The following PIBF1 variants were observed in gnomAD, a reference collection of about 807,000 sequenced individuals.
The protein encoded by PIBF1 is progesterone immunomodulatory binding factor 1.
A neutral mutation model predicts 112.5 loss-of-function variants in PIBF1; 90 were observed. The ratio of observed to expected loss-of-function variants is 0.80; its 90% confidence interval spans 0.67 to 0.95. PIBF1 has a LOEUF of 0.95. Ranked by LOEUF, PIBF1 falls within the 40% of genes least tolerant of loss-of-function variation. The probability of loss-of-function intolerance (pLI) is 0.00; values close to 1 mark genes in which losing one functional copy is unlikely to be tolerated. For missense variants in PIBF1, 915 were observed against 852.3 expected (o/e 1.07, Z -0.92); for synonymous variants, 301 against 288.6 (o/e 1.04, Z -0.44).
At chr13:72,941,265 G>A (rs991752606) in intron 14 of PIBF1, among the ~76,000 whole-genome samples, 1 of 152,150 alleles carries the variant, frequency 6.6e-6, no homozygotes, top group African/African-American at 2.4e-5. Context: ...GTGTATTTGT[G>A]TATACCCACT....
At chr13:72,868,828 TAAAAAAAAAAA>T (rs56290400) in intron 10 of PIBF1, among the ~76,000 whole-genome samples, 4 of 114,270 alleles carry the variant, frequency 3.5e-5, no homozygotes, top group African/African-American at 1.3e-4. Context: ...TCCCAAAAAG[TAAAAAAAAAAA>T]AAAAAAAAAA....
chr13:72,999,938 A>G (rs556018119), intron 17 of PIBF1, among the ~76,000 whole-genome samples: 3 of 152,322 alleles, frequency 2.0e-5, no homozygotes, highest in African/African-American at 7.2e-5. Context: ...GTGTGGTGGC[A>G]CACGCCTGTA....
At chr13:72,919,219 T>C (rs2041209734) in intron 13 of PIBF1, among the ~76,000 whole-genome samples, 1 of 152,128 alleles carries the variant, frequency 6.6e-6, no homozygotes, top group Admixed American at 6.6e-5. Flanking sequence ...CTCATTAATA[T>C]AGTGGTGAAT....
intron 9 of PIBF1, among the ~76,000 whole-genome samples, chr13:72,836,670 C>G (rs906815624): frequency 6.6e-6 from 1 of 151,916 alleles, no homozygotes; most frequent in African/African-American, 2.4e-5. Context: ...TGATTTTATT[C>G]TCAGGTTTCT....
intron 5 of PIBF1, among the ~76,000 whole-genome samples, chr13:72,821,309 A>T: frequency 6.6e-6 from 1 of 152,156 alleles, no homozygotes; most frequent in East Asian, 1.9e-4. Context: ...TGCTACTGAC[A>T]TGGGGAGAGT....
intron 10 of PIBF1, among the ~76,000 whole-genome samples, chr13:72,854,781 T>A (rs184334937): frequency 6.6e-6 from 1 of 152,158 alleles, no homozygotes; most frequent in Admixed American, 6.5e-5. Context: ...CTGCCAATGG[T>A]AACACCAAAG....
At chr13:72,863,536 T>C (rs1184550908) in intron 10 of PIBF1, among the ~76,000 whole-genome samples, 3 of 151,306 alleles carry the variant, frequency 2.0e-5, no homozygotes, top group African/African-American at 7.3e-5. Flanking sequence ...TGGGCACCTG[T>C]AGTCCTAGCT....
intron 16 of PIBF1, among the ~76,000 whole-genome samples, chr13:72,994,119 AAAAG>A (rs1218334646): frequency 2.2e-5 from 1 of 44,900 alleles, no homozygotes; most frequent in African/African-American, 1.1e-4. Flanking sequence ...TCTCAAAAAA[AAAAG>A]AAAAAAAAAG....
At chr13:73,001,095 G>A (rs187209403) in intron 17 of PIBF1, among the ~76,000 whole-genome samples, 12 of 152,116 alleles carry the variant, frequency 7.9e-5, no homozygotes, top group African/African-American at 1.4e-4. Context: ...AAGGTGAACC[G>A]ACTAGATAAC....
chr13:72,944,352 C>T (rs1320141458), intron 14 of PIBF1, among the ~76,000 whole-genome samples: 1 of 151,044 alleles, frequency 6.6e-6, no homozygotes, highest in Non-Finnish European at 1.5e-5. Context: ...GAGACTGAGG[C>T]ATGAGAATCG....
intron 9 of PIBF1, chr13:72,836,026 G>C: frequency 2.5e-6 from 1 of 407,346 alleles, no homozygotes; most frequent in South Asian, 1.8e-5. Context: ...ATGAACCGGG[G>C]ACACAGAGCT....
chr13:72,940,672 T>G (rs2041987242), intron 14 of PIBF1, among the ~76,000 whole-genome samples: 1 of 152,222 alleles, frequency 6.6e-6, no homozygotes, highest in African/African-American at 2.4e-5. Context: ...AACAGTTTGA[T>G]TCTTCCAAAT....
intron 12 of PIBF1, among the ~76,000 whole-genome samples, chr13:72,909,860 A>T (rs919975577): frequency 6.6e-6 from 1 of 152,064 alleles, no homozygotes; most frequent in Non-Finnish European, 1.5e-5. Flanking sequence ...TTGATCTTTA[A>T]TTTCTGTTTT....
At chr13:72,845,202 A>G (rs923731840) in intron 9 of PIBF1, among the ~76,000 whole-genome samples, 6 of 145,402 alleles carry the variant, frequency 4.1e-5, no homozygotes, top group African/African-American at 1.3e-4. Flanking sequence ...GTGTGTTCTC[A>G]TTGTTCAGCT....
chr13:72,793,517 A>T (rs1166309839), intron 3 of PIBF1, among the ~76,000 whole-genome samples: 2 of 152,156 alleles, frequency 1.3e-5, no homozygotes. Context: ...TTCGCAGGTG[A>T]TGCAGATGCT....
At chr13:72,879,694 G>A (rs991876023) in intron 10 of PIBF1, among the ~76,000 whole-genome samples, 8 of 152,178 alleles carry the variant, frequency 5.3e-5, no homozygotes, top group Non-Finnish European at 1.2e-4. Context: ...TCAAGTCAGA[G>A]GTCGACAAAC....
intron 10 of PIBF1, among the ~76,000 whole-genome samples, chr13:72,878,548 C>T (rs2039498461): frequency 6.6e-6 from 1 of 152,022 alleles, no homozygotes; most frequent in East Asian, 1.9e-4. Flanking sequence ...TGTTTATAGC[C>T]TGGGATGCAG....
chr13:72,980,091 G>A (rs2043119727), intron 16 of PIBF1, among the ~76,000 whole-genome samples: 1 of 152,110 alleles, frequency 6.6e-6, no homozygotes, highest in Non-Finnish European at 1.5e-5. Flanking sequence ...GGGAAGAAAA[G>A]TTCAAGAAAA....
At chr13:72,902,623 A>G (rs992604254) in intron 11 of PIBF1, among the ~76,000 whole-genome samples, 1 of 152,242 alleles carries the variant, frequency 6.6e-6, no homozygotes. Context: ...ATAAAGGTTT[A>G]TATAAATGAT....
Sources: gnomAD v4.1 joint callset for allele counts (sites outside exome capture counted in the v4.1 genomes callset) on GRCh38, gnomAD v4.1.1 for gene constraint, MANE v1.5 for transcripts, NCBI Gene and HGNC (gene_info 2026-07-23, HGNC 2026-07-21) for gene names.